Variants in SHQ1 observed in about 807,000 individuals in gnomAD.
SHQ1 encodes the protein protein SHQ1 homolog.
SHQ1 carries 49 observed loss-of-function variants against 53.8 expected under a neutral mutation model. The observed-to-expected ratio is 0.91, with a 90% CI of 0.72 to 1.16. The LOEUF is 1.16. Ranked by LOEUF, SHQ1 falls within the 50% of genes most tolerant of loss-of-function variation. SHQ1 has a pLI of 0.00. For synonymous variants in SHQ1, 243 were observed against 251.0 expected, an observed-to-expected ratio of 0.97 and a Z score of 0.30; for missense variants, 738 against 683.1, an observed-to-expected ratio of 1.08 and a Z score of -0.90.
At chr3:72,800,094 C>A (rs1021299036) in intron 9 of SHQ1, among the ~76,000 whole-genome samples, 1 of 152,106 alleles carries the variant, frequency 6.6e-6, no homozygotes, top group African/African-American at 2.4e-5. Context: ...GTCATGAGGG[C>A]TCTACCCTCA....
chr3:72,727,943 G>A, the SHQ1 span, among the ~76,000 whole-genome samples: 1 of 152,158 alleles, frequency 6.6e-6, no homozygotes, highest in Non-Finnish European at 1.5e-5. Context: ...CCATGAGAGT[G>A]CACTCAGCCT....
At chr3:72,834,163 T>C (rs1707922403) in intron 4 of SHQ1, among the ~76,000 whole-genome samples, 1 of 152,230 alleles carries the variant, frequency 6.6e-6, no homozygotes, top group South Asian at 2.1e-4. Context: ...CCATTTAGCT[T>C]AAGTAGTATC....
intron 1 of SHQ1, among the ~76,000 whole-genome samples, chr3:72,844,867 T>A (rs983433111): frequency 6.6e-6 from 1 of 152,156 alleles, no homozygotes; most frequent in Non-Finnish European, 1.5e-5. Flanking sequence ...CACAAAAGTA[T>A]TAAAAAATTA....
intron 10 of SHQ1, among the ~76,000 whole-genome samples, chr3:72,776,389 A>G (rs1705958777): frequency 6.6e-6 from 1 of 152,172 alleles, no homozygotes; most frequent in Admixed American, 6.5e-5. Context: ...CACATGCTGT[A>G]CAGGTTTGTA....
chr3:72,731,863 A>T, the SHQ1 span, among the ~76,000 whole-genome samples: 7 of 151,290 alleles, frequency 4.6e-5, no homozygotes, highest in Non-Finnish European at 4.4e-5. Flanking sequence ...ATCCACTACC[A>T]ATGTGCCAGT....
Position 72,848,260 on chromosome 3 carries a change from G to A in SHQ1, c.81C>T (p.Ser27=), listed in dbSNP as rs1240371665. ...IAIRVPYARV[S]EFDVYFEGSD... is the part of the protein sequence containing the mutation. Reference sequence around the variant, plus strand: ...ACCCCTCGAAGTAGACGTCGAACTCGGAGACCCGGGCGTAGGGCACGCGGA... The same window carrying A: ...ACCCCTCGAAGTAGACGTCGAACTCAGAGACCCGGGCGTAGGGCACGCGGA... The change falls in exon 1 of 11, where the codon TCC becomes TCT. Residue 27 remains serine (S), a synonymous_variant. Coordinates refer to ENST00000325599, the MANE Select transcript of SHQ1 (RefSeq NM_018130.3). 2 of 1,614,178 alleles carry A rather than the reference G, an allele frequency of 1.2e-6. No homozygotes were observed. Among genetic ancestry groups the A allele is most frequent in the Admixed American group, 3.3e-5 (2 of 60,026 alleles).
intron 5 of SHQ1, 142 bp from the exon 6 acceptor site, chr3:72,824,693 T>G: frequency 9.8e-7 from 1 of 1,023,504 alleles, no homozygotes; most frequent in Non-Finnish European, 1.4e-6. Context: ...ACACTATATT[T>G]ACTTTCTTTG....
intron 5 of SHQ1, among the ~76,000 whole-genome samples, chr3:72,825,456 T>C (rs1480187290): frequency 6.6e-6 from 1 of 151,978 alleles, no homozygotes; most frequent in African/African-American, 2.4e-5. Flanking sequence ...TTTATTAAGA[T>C]ACTAATTTTA....
At chr3:72,735,115 C>A in the SHQ1 span, among the ~76,000 whole-genome samples, 1 of 151,804 alleles carries the variant, frequency 6.6e-6, no homozygotes, top group East Asian at 1.9e-4. Flanking sequence ...TTCTTATACA[C>A]TAAAAGTGCC....
rs114723400 is a variant in SHQ1, at chr3:72,838,858, T to C, written c.486+2187A>G. Among the ~76,000 whole-genome samples, 1,258 of 152,188 alleles carry C rather than the reference T, an allele frequency of 8.3e-3. 16 individuals carry two copies. Among genetic ancestry groups the C allele is most frequent in the African/African-American group, 0.029 (1,215 of 41,496 alleles). On this transcript the variant is annotated intron_variant, in intron 4 of 10. Coordinates refer to ENST00000325599, the MANE Select transcript of SHQ1 (RefSeq NM_018130.3). ...AAAGGGATTAGACAGGAGTCAACTA[T>C]ATTGGTTAATGTTTAATGTTTTTAA...
At chr3:72,745,810 C>T (rs1034953315), downstream of SHQ1, among the ~76,000 whole-genome samples, 1 of 152,014 alleles carries the variant, frequency 6.6e-6, no homozygotes, top group Non-Finnish European at 1.5e-5. Context: ...TACGGCCATA[C>T]CACCCTGAAC....
chr3:72,762,256 A>C (rs1705627772), intron 10 of SHQ1, among the ~76,000 whole-genome samples: 2 of 152,256 alleles, frequency 1.3e-5, no homozygotes, highest in Non-Finnish European at 2.9e-5. Context: ...ATCCAAATGC[A>C]GAGAAGCCAC....
chr3:72,748,971 GCACACACA>G (rs34002344), downstream of SHQ1, among the ~76,000 whole-genome samples: 64 of 144,168 alleles, frequency 4.4e-4, no homozygotes, highest in African/African-American at 1.3e-3. Flanking sequence ...ACACGCACAC[GCACACACA>G]CACACACACA....
intron 9 of SHQ1, among the ~76,000 whole-genome samples, chr3:72,799,941 G>T (rs528766571): frequency 7.2e-5 from 11 of 152,186 alleles, no homozygotes; most frequent in Admixed American, 6.5e-4. Context: ...CCCCCAGCTG[G>T]TTTAAGGTTC....
At chr3:72,833,534 C>CAGATAGATAGATAGAT (rs113103994) in intron 4 of SHQ1, among the ~76,000 whole-genome samples, 5 of 149,760 alleles carry the variant, frequency 3.3e-5, no homozygotes, top group Admixed American at 2.0e-4. Flanking sequence ...GGATGATAGA[C>CAGATAGATAGATAGAT]AGATAGATAG....
the SHQ1 span, among the ~76,000 whole-genome samples, chr3:72,730,106 C>T: frequency 6.6e-6 from 1 of 151,988 alleles, no homozygotes; most frequent in African/African-American, 2.4e-5. Context: ...GCGTGAGCCA[C>T]CGTGCCCGGC....
downstream of SHQ1, among the ~76,000 whole-genome samples, chr3:72,746,109 C>T (rs1037558898): frequency 3.3e-5 from 5 of 152,186 alleles, no homozygotes; most frequent in African/African-American, 1.2e-4. Flanking sequence ...TCCCAAAGTG[C>T]TGAGATTACA....
intron 10 of SHQ1, among the ~76,000 whole-genome samples, chr3:72,774,799 A>C (rs1024502117): frequency 6.6e-6 from 1 of 152,212 alleles, no homozygotes; most frequent in Non-Finnish European, 1.5e-5. Flanking sequence ...ATGAAATAGA[A>C]GACAGACAAA....
At chr3:72,844,499 T>C (rs1708271788) in intron 1 of SHQ1, 76 bp from the exon 2 acceptor site, 3 of 1,066,158 alleles carry the variant, frequency 2.8e-6, no homozygotes, top group East Asian at 2.4e-5. Flanking sequence ...CTTGCAAACA[T>C]TTAACCATCA....
Sources: gnomAD v4.1 joint callset for allele counts (sites outside exome capture counted in the v4.1 genomes callset) on GRCh38, gnomAD v4.1.1 for gene constraint, MANE v1.5 for transcripts, NCBI Gene and HGNC (gene_info 2026-07-23, HGNC 2026-07-21) for gene names.